The following MAN1A1 variants were observed in gnomAD, a reference collection of about 807,000 sequenced individuals.
MAN1A1 encodes mannosidase alpha class 1A member 1, also known as mannosyl-oligosaccharide 1,2-alpha-mannosidase IA.
Under a neutral mutation model 70.8 loss-of-function variants are expected in MAN1A1, and 29 were observed. The ratio of observed to expected loss-of-function variants is 0.41; its 90% CI spans 0.31 to 0.56. The LOEUF (loss-of-function observed/expected upper bound fraction) is 0.56. Among genes scored for constraint, MAN1A1 ranks in the 20% least tolerant of loss-of-function variants. The pLI is 0.29. For missense variants in MAN1A1, 747 were observed against 841.3 expected, an observed-to-expected ratio of 0.89 and a Z score of 1.39; for synonymous variants, 349 against 330.1, an observed-to-expected ratio of 1.06 and a Z score of -0.62.
intron 2 of MAN1A1, among the ~76,000 whole-genome samples, chr6:119,347,691 C>T (rs1209446863): frequency 6.6e-6 from 1 of 152,148 alleles, no homozygotes; most frequent in East Asian, 1.9e-4. Context: ...TTTTACGGCC[C>T]CCTTCAGCTT....
At chr6:119,257,197 G>T (rs1775483275) in intron 5 of MAN1A1, among the ~76,000 whole-genome samples, 1 of 152,314 alleles carries the variant, frequency 6.6e-6, no homozygotes, top group South Asian at 2.1e-4. Flanking sequence ...AAGGGAAGAG[G>T]AAGTGCTTTT....
At chr6:119,292,657 A>G (rs1161861238) in intron 4 of MAN1A1, among the ~76,000 whole-genome samples, 1 of 152,092 alleles carries the variant, frequency 6.6e-6, no homozygotes, top group African/African-American at 2.4e-5. Context: ...ATTCCTATAA[A>G]AGGACAATTA....
chr6:119,250,673 T>TGTGC (rs1042903184), intron 5 of MAN1A1, among the ~76,000 whole-genome samples: 1 of 151,510 alleles, frequency 6.6e-6, no homozygotes, highest in Non-Finnish European at 1.5e-5. Context: ...TGTGTGTGTG[T>TGTGC]GTGCGTGTCA....
At chr6:119,349,802 G>GCGACGCGGCCGGAGAGTGA, upstream of MAN1A1, 1 of 968,886 alleles carries the variant, frequency 1.0e-6, no homozygotes, top group Non-Finnish European at 1.2e-6. Context: ...AGCGAGGGAG[G>GCGACGCGGCCGGAGAGTGA]CGACGCGGCC....
At chr6:119,303,182 C>A (rs1258542978) in intron 3 of MAN1A1, among the ~76,000 whole-genome samples, 1 of 152,064 alleles carries the variant, frequency 6.6e-6, no homozygotes, top group South Asian at 2.1e-4. Context: ...CCATGCCTGG[C>A]TAATTTTAAA....
intron 8 of MAN1A1, among the ~76,000 whole-genome samples, chr6:119,200,388 A>G (rs563956449): frequency 1.9e-3 from 290 of 152,316 alleles, no homozygotes; most frequent in Middle Eastern, 6.8e-3. Flanking sequence ...AGCTACAGAC[A>G]TATTTTAGCA....
At chr6:119,238,830 T>C (rs1302549342) in intron 6 of MAN1A1, among the ~76,000 whole-genome samples, 1 of 152,200 alleles carries the variant, frequency 6.6e-6, no homozygotes, top group Non-Finnish European at 1.5e-5. Context: ...ACTCACATTT[T>C]CAGGATAAAA....
At chr6:119,340,536 G>A (rs1238739420) in intron 2 of MAN1A1, among the ~76,000 whole-genome samples, 2 of 152,174 alleles carry the variant, frequency 1.3e-5, no homozygotes, top group African/African-American at 2.4e-5. Context: ...TTGAGTTCAC[G>A]TCTTGGCCAT....
intron 6 of MAN1A1, among the ~76,000 whole-genome samples, chr6:119,237,168 C>T (rs572859335): frequency 5.3e-5 from 8 of 152,230 alleles, no homozygotes; most frequent in Admixed American, 3.3e-4. Flanking sequence ...AGACACTGTG[C>T]ACACTGTTGA....
rs1194812215 is a variant in MAN1A1, at chr6:119,204,740, G to A, written c.1116+19C>T. On this transcript the variant is annotated intron_variant, in intron 7 of 12. Coordinates refer to ENST00000368468, the MANE Select transcript of MAN1A1 (RefSeq NM_005907.4). ...CATAAGTGTTGCTTTGCAGGCCAAG[G>A]CACATTGAAGAATCTCACCTTTTCA... is the stretch of plus-strand genomic sequence containing the variant. 2 of 1,613,566 alleles carry A rather than the reference G, an allele frequency of 1.2e-6. No individual in the cohort carries two copies. The highest frequency in any genetic ancestry group is 2.2e-5 in the South Asian group (2 of 91,014).
At chr6:119,199,810 G>C (rs77600080) in intron 8 of MAN1A1, among the ~76,000 whole-genome samples, 2 of 151,996 alleles carry the variant, frequency 1.3e-5, no homozygotes, top group Admixed American at 6.6e-5. Context: ...TACTCGGGGC[G>C]GGGGGCCGAG....
At chr6:119,237,253 C>T (rs1377879538) in intron 6 of MAN1A1, among the ~76,000 whole-genome samples, 1 of 152,128 alleles carries the variant, frequency 6.6e-6, no homozygotes, top group East Asian at 1.9e-4. Flanking sequence ...AGACTGACTC[C>T]AAATTGGAAA....
At chr6:119,216,083 G>A (rs1422442079) in intron 6 of MAN1A1, among the ~76,000 whole-genome samples, 28 of 152,186 alleles carry the variant, frequency 1.8e-4, no homozygotes, top group Admixed American at 1.6e-3. Context: ...AGTCAGTGAG[G>A]GGACTCCAGT....
intron 2 of MAN1A1, chr6:119,332,009 G>A: frequency 4.0e-6 from 2 of 497,014 alleles, no homozygotes; most frequent in East Asian, 5.7e-5. Flanking sequence ...AATTTCCTAT[G>A]TATAAAATGA....
intron 6 of MAN1A1, 34 bp from the exon 7 acceptor site, chr6:119,204,916 C>T (rs758773988): frequency 6.9e-6 from 11 of 1,601,944 alleles, no homozygotes; most frequent in African/African-American, 1.3e-5. Flanking sequence ...AGTTATGGGT[C>T]AGATTAACTC....
In MAN1A1 at chr6:119,189,933, A is replaced by G. The variant is rs201777685; in HGVS notation, c.1327-50T>C. The G allele has an allele frequency of 5.2e-6, 7 of 1,356,490 alleles. No individual in the cohort carries two copies. In the East Asian group the frequency reaches 1.4e-4, roughly 28 times the overall value. The allele number at this position is 1,356,490 out of a possible 1,614,324, so 84.0% of individuals were successfully genotyped here. A position where few individuals can be genotyped will look rare whatever the true frequency, so the allele number is the denominator to read the frequency against. Reference sequence around the variant, plus strand: ...CATTTTGTAATCTCTTCTCAAATTTATACTAAAAATATGCCCAACATTAAA... The same window carrying G: ...CATTTTGTAATCTCTTCTCAAATTTGTACTAAAAATATGCCCAACATTAAA... On this transcript the variant is annotated intron_variant, in intron 9 of 12. Coordinates refer to ENST00000368468, the MANE Select transcript of MAN1A1 (RefSeq NM_005907.4).
chr6:119,328,170 A>C (rs781498980), intron 2 of MAN1A1, among the ~76,000 whole-genome samples: 1 of 152,202 alleles, frequency 6.6e-6, no homozygotes, highest in Non-Finnish European at 1.5e-5. Context: ...AAGAAAACAC[A>C]CCACACAACA....
chr6:119,232,686 T>C (rs926521984), intron 6 of MAN1A1, among the ~76,000 whole-genome samples: 1 of 55,712 alleles, frequency 1.8e-5, no homozygotes, highest in Non-Finnish European at 6.6e-5. Flanking sequence ...TATATGTGTG[T>C]GTGTGTGTGT....
intron 2 of MAN1A1, among the ~76,000 whole-genome samples, chr6:119,324,754 T>A (rs1773103477): frequency 6.6e-6 from 1 of 152,172 alleles, no homozygotes; most frequent in African/African-American, 2.4e-5. Context: ...TCATGATACA[T>A]GAATATTTTA....
Sources: gnomAD v4.1 joint callset for allele counts (sites outside exome capture counted in the v4.1 genomes callset) on GRCh38, gnomAD v4.1.1 for gene constraint, MANE v1.5 for transcripts, NCBI Gene and HGNC (gene_info 2026-07-23, HGNC 2026-07-21) for gene names.